TYW3: variants seen among roughly 807,000 people sequenced by gnomAD.
TYW3 encodes the protein tRNA wybutosine-synthesizing protein 3 homolog.
TYW3 carries 26 observed loss-of-function variants against 23.1 expected under a neutral mutation model. That is an observed-to-expected ratio of 1.13 (90% CI 0.83 to 1.56). TYW3 has a LOEUF of 1.56. Among genes scored for constraint, TYW3 ranks in the 40% most tolerant of loss-of-function variants. The pLI, the probability that TYW3 is intolerant of heterozygous loss-of-function variation, is 0.00. For synonymous variants in TYW3, 102 were observed against 105.7 expected (o/e 0.97, Z 0.21); for missense variants, 316 against 311.9 (o/e 1.01, Z -0.10).
chr1:74,737,579 G>A (rs552524667), intron 2 of TYW3, among the ~76,000 whole-genome samples: 17 of 152,146 alleles, frequency 1.1e-4, no homozygotes, highest in Non-Finnish European at 1.9e-4. Context: ...GAAATCAAAT[G>A]GTGTGAAGGC....
intron 1 of TYW3, 32 bp downstream of exon 1, chr1:74,733,450 C>T: frequency 6.2e-7 from 1 of 1,610,466 alleles, no homozygotes; most frequent in African/African-American, 1.3e-5. Context: ...CCATCGCCTG[C>T]CTTCTAGTGC....
chr1:74,733,278 G>A lies in TYW3; in HGVS notation c.34G>A (p.Ala12Thr). 1.9e-6 allele frequency: 3 copies of A among 1,614,186 alleles called. No homozygotes were observed. The highest frequency in any genetic ancestry group is 2.5e-6 in the Non-Finnish European group (3 of 1,180,028). Residue 12 changes from alanine (A) to threonine (T), a missense_variant, in exon 1 of 6, where the codon GCG (alanine) becomes ACG (threonine). By Grantham distance (58) the Ala-to-Thr change is moderately conservative. Transcript: ENST00000370867. ...CAGCGCGGAGTTCAGGAAATGGAAG[G>A]CGCAATGTTTGAGCAAAGCGGACCT... ...DRSAEFRKWK[A>T]QCLSKADLSR...
At chr1:74,759,931 A>ACC (rs1649080825) in intron 5 of TYW3, among the ~76,000 whole-genome samples, 1 of 152,212 alleles carries the variant, frequency 6.6e-6, no homozygotes, top group Non-Finnish European at 1.5e-5. Flanking sequence ...TGCATAAGCC[A>ACC]CCGCACCTGG....
At chr1:74,736,441 G>A in intron 1 of TYW3, 101 bp from the exon 2 acceptor site, 1 of 769,250 alleles carries the variant, frequency 1.3e-6, no homozygotes. Flanking sequence ...ATCCTGACTT[G>A]GGATTATTAA....
At position 74,763,994 on chromosome 1, in the gene TYW3, A is replaced by G. The variant is rs1343708148; in HGVS notation, c.661A>G (p.Lys221Glu). The G allele has an allele frequency of 6.2e-7, 1 of 1,611,026 alleles. No individual in the cohort carries two copies. The highest frequency in any genetic ancestry group is 1.3e-5 in the African/African-American group (1 of 74,596). Residue 221 changes from lysine to glutamate, a missense_variant, in exon 6 of 6, where the codon AAA becomes GAA. By Grantham distance (56) the Lys-to-Glu change is moderately conservative (BLOSUM62 1). Coordinates refer to ENST00000370867, the MANE Select transcript of TYW3 (RefSeq NM_138467.3). ...TAACTCATCATATATTCATAAGAAA[A>G]AAAGAAACCCAGAAAAAACACGTGC... ...KNNSSYIHKK[K>E]RNPEKTRAQC...
chr1:74,752,096 C>T (rs1648804180), intron 4 of TYW3, among the ~76,000 whole-genome samples, 196 bp from the exon 5 acceptor site: 1 of 152,168 alleles, frequency 6.6e-6, no homozygotes, highest in South Asian at 2.1e-4. Flanking sequence ...TTAGAAATGA[C>T]TGTAGATGAT....
At chr1:74,741,744 T>A (rs1013996079) in intron 3 of TYW3, among the ~76,000 whole-genome samples, 5 of 152,240 alleles carry the variant, frequency 3.3e-5, no homozygotes, top group African/African-American at 1.2e-4. Context: ...TCATAGGGAC[T>A]GAGCCCCATT....
intron 5 of TYW3, among the ~76,000 whole-genome samples, chr1:74,762,269 C>T (rs909284554): frequency 5.3e-5 from 8 of 151,966 alleles, no homozygotes; most frequent in Non-Finnish European, 1.2e-4. Flanking sequence ...TTATAGGCTT[C>T]GTAAGTAGAA....
At chr1:74,754,296 T>C (rs1648880898) in intron 5 of TYW3, among the ~76,000 whole-genome samples, 1 of 152,174 alleles carries the variant, frequency 6.6e-6, no homozygotes, top group Non-Finnish European at 1.5e-5. Flanking sequence ...TATGCTTAAA[T>C]CCATTGACTC....
At chr1:74,744,608 G>C (rs546945288) in intron 3 of TYW3, among the ~76,000 whole-genome samples, 1 of 152,060 alleles carries the variant, frequency 6.6e-6, no homozygotes, top group Non-Finnish European at 1.5e-5. Flanking sequence ...CATCTGGGTC[G>C]CCAAAATGTG....
Position 74,765,539 on chromosome 1 carries a change from C to T in TYW3, c.*1426C>T, listed in dbSNP as rs1649276515. Reference sequence around the variant, plus strand: ...AAATTTGGGCAGGAAAGGGAACTCACAGTGTCGGAATGCCTGGAGCATTTC... The same window carrying T: ...AAATTTGGGCAGGAAAGGGAACTCATAGTGTCGGAATGCCTGGAGCATTTC... On this transcript the variant is annotated 3_prime_UTR_variant, in exon 6 of 6. Coordinates refer to ENST00000370867, the MANE Select transcript of TYW3 (RefSeq NM_138467.3). 6.6e-6 allele frequency: 1 copy of T among 152,060 alleles called. No individual in the cohort carries two copies. Among genetic ancestry groups the T allele is most frequent in the African/African-American group, 2.4e-5 (1 of 41,414 alleles). The allele number at this position is 152,060 out of a possible 1,614,324, so 9.4% of individuals were successfully genotyped here.
At position 74,764,120 on chromosome 1, in the gene TYW3, G is replaced by A. The variant is rs771673203; in HGVS notation, c.*7G>A. The A allele has an allele frequency of 1.2e-5, 20 of 1,602,370 alleles. No individual in the cohort carries two copies. Among genetic ancestry groups the A allele is most frequent in the African/African-American group, 4.1e-5 (3 of 73,944 alleles). ...CTTCCCTGAAGATTACTAAGCTTTG[G>A]TTCTGATGTGTCTTGGCCGTAATGT... On this transcript the variant is annotated 3_prime_UTR_variant, in exon 6 of 6. Transcript: ENST00000370867.
chr1:74,757,042 G>A (rs1648977140), intron 5 of TYW3, among the ~76,000 whole-genome samples: 1 of 152,238 alleles, frequency 6.6e-6, no homozygotes, highest in Admixed American at 6.5e-5. Context: ...TTGGCATCTG[G>A]GGACCTCCAT....
At chr1:74,751,138 A>G (rs1648772423) in intron 4 of TYW3, 1 of 151,956 alleles carries the variant, frequency 6.6e-6, no homozygotes, top group Non-Finnish European at 1.5e-5. Context: ...GTCTGGTGAA[A>G]TTGCACTCAT....
intron 5 of TYW3, among the ~76,000 whole-genome samples, chr1:74,755,059 A>G (rs1239069045): frequency 6.6e-6 from 1 of 152,210 alleles, no homozygotes; most frequent in African/African-American, 2.4e-5. Flanking sequence ...CCAACTGTGT[A>G]ATGAGAAAAT....
At chr1:74,763,846 T>G in intron 5 of TYW3, 48 bp from the exon 6 acceptor site, 1 of 1,460,622 alleles carries the variant, frequency 6.8e-7, no homozygotes, top group African/African-American at 1.4e-5. Flanking sequence ...TTTCAGTCAT[T>G]TCGTTTCAGT....
intron 2 of TYW3, 117 bp downstream of exon 2, chr1:74,736,739 T>G: frequency 1.3e-6 from 1 of 773,772 alleles, no homozygotes; most frequent in Non-Finnish European, 2.0e-6. Context: ...GGCTGAAGAT[T>G]ATAAAACCTA....
rs575226870 is a variant in TYW3, at chr1:74,750,761, C to CTGG, written c.427-1530_427-1528dup. On this transcript the variant is annotated intron_variant, in intron 4 of 5. Coordinates refer to ENST00000370867, the MANE Select transcript of TYW3 (RefSeq NM_138467.3). ...CTATGCCCACAGATAAGTGGTGCCT[C>CTGG]TGGCTGGAGTTCTTCCTCTCCCTTT... 1.3e-4 allele frequency among the ~76,000 whole-genome samples: 19 copies of CTGG among 147,936 alleles called. No homozygotes were observed. The East Asian group carries it at 3.8e-3, about 29-fold the overall frequency.
At chr1:74,745,634 C>G (rs909089356) in intron 3 of TYW3, among the ~76,000 whole-genome samples, 1 of 152,186 alleles carries the variant, frequency 6.6e-6, no homozygotes, top group Non-Finnish European at 1.5e-5. Context: ...TCCAGCTGGC[C>G]TCACCTCTCA....
Sources: allele counts gnomAD v4.1 joint callset (sites outside exome capture counted in the v4.1 genomes callset), GRCh38; gene constraint gnomAD v4.1.1; transcripts MANE v1.5; gene names NCBI Gene and HGNC (gene_info 2026-07-23, HGNC 2026-07-21).